Variants in NRXN1 observed in about 807,000 individuals in gnomAD.
NRXN1 encodes neurexin-1.
NRXN1 carries 39 observed loss-of-function variants against 150.9 expected under a neutral mutation model. That is an observed-to-expected ratio of 0.26 (90% CI 0.20 to 0.34). The LOEUF (loss-of-function observed/expected upper bound fraction) is 0.34. NRXN1 is among the 10% of genes least tolerant of loss of function. The pLI is 1.00. For missense variants in NRXN1, 1,815 were observed against 1,949.9 expected (o/e 0.93, Z 1.30); for synonymous variants, 924 against 757.0 (o/e 1.22, Z -3.62).
chr2:50,050,202 G>A (rs991050988), intron 21 of NRXN1, among the ~76,000 whole-genome samples: 1 of 147,510 alleles, frequency 6.8e-6, no homozygotes, highest in East Asian at 2.0e-4. Flanking sequence ...ACTTTAAGTA[G>A]GAATATAAAC....
chr2:50,641,576 A>T (rs1032704094), intron 5 of NRXN1, among the ~76,000 whole-genome samples: 2 of 151,926 alleles, frequency 1.3e-5, no homozygotes, highest in Non-Finnish European at 2.9e-5. Context: ...TACAAAATGG[A>T]AAGTTTTATT....
At chr2:50,470,953 T>C (rs1479326139) in intron 16 of NRXN1, among the ~76,000 whole-genome samples, 1 of 151,828 alleles carries the variant, frequency 6.6e-6, no homozygotes, top group Non-Finnish European at 1.5e-5. Context: ...TACAAGAAAC[T>C]TGTTTTTGCT....
At chr2:50,048,863 G>A (rs962689421) in intron 21 of NRXN1, among the ~76,000 whole-genome samples, 5 of 152,054 alleles carry the variant, frequency 3.3e-5, no homozygotes, top group Non-Finnish European at 7.4e-5. Context: ...CATATTTACT[G>A]ATTCTGTCTC....
intron 19 of NRXN1, among the ~76,000 whole-genome samples, chr2:50,089,182 C>G (rs1249529404): frequency 6.6e-6 from 1 of 152,280 alleles, no homozygotes; most frequent in East Asian, 1.9e-4. Context: ...TTGGAAATTG[C>G]TGATTAAGTG....
intron 5 of NRXN1, among the ~76,000 whole-genome samples, chr2:50,696,595 G>T (rs17501068): frequency 0.084 from 12,807 of 152,136 alleles, 702 homozygotes; most frequent in Non-Finnish European, 0.12. Flanking sequence ...TTTCTTTGTG[G>T]TTCTGAGCAA....
chr2:50,336,635 T>C (rs962230418), intron 17 of NRXN1, among the ~76,000 whole-genome samples: 2 of 152,226 alleles, frequency 1.3e-5, no homozygotes, highest in African/African-American at 4.8e-5. Flanking sequence ...GCTTGCAAAT[T>C]AGTCTATTAT....
intron 2 of NRXN1, among the ~76,000 whole-genome samples, chr2:51,011,624 A>G (rs888714444): frequency 1.3e-5 from 2 of 152,054 alleles, no homozygotes; most frequent in African/African-American, 4.8e-5. Flanking sequence ...AAGACATGTG[A>G]ACACAATTAT....
At position 50,354,539 on chromosome 2, in the gene NRXN1, C is replaced by T. The variant is rs1234085032; in HGVS notation, c.3364+110903G>A. On this transcript the variant is annotated intron_variant, in intron 17 of 22. Coordinates refer to ENST00000401669, the MANE Select transcript of NRXN1 (RefSeq NM_001330078.2). Reference sequence around the variant, plus strand: ...TGTATCTATATATACACTACCTTAGCGTCTAGAGTGCATACATATATATAT... The same window carrying T: ...TGTATCTATATATACACTACCTTAGTGTCTAGAGTGCATACATATATATAT... 2.9e-5 allele frequency among the ~76,000 whole-genome samples: 3 copies of T among 105,176 alleles called. 1 individual carries two copies. Among genetic ancestry groups the T allele is most frequent in the Non-Finnish European group, 3.7e-5 (2 of 53,926 alleles). The allele number at this position is 105,176 out of a possible 152,430, so 69.0% of individuals were successfully genotyped here.
At chr2:50,301,612 C>T (rs1306186588) in intron 17 of NRXN1, among the ~76,000 whole-genome samples, 1 of 152,110 alleles carries the variant, frequency 6.6e-6, no homozygotes, top group Non-Finnish European at 1.5e-5. Flanking sequence ...AAGCAATGTC[C>T]TGTAGGGTAC....
intron 5 of NRXN1, among the ~76,000 whole-genome samples, chr2:50,707,031 TG>T (rs1694537770): frequency 6.6e-6 from 1 of 152,192 alleles, no homozygotes. Flanking sequence ...CTGTAATTTT[TG>T]TTGGGTATAT....
intron 8 of NRXN1, among the ~76,000 whole-genome samples, chr2:50,577,563 A>T (rs1175233329): frequency 1.3e-5 from 2 of 152,096 alleles, no homozygotes; most frequent in African/African-American, 2.4e-5. Context: ...TACTTTTTCA[A>T]CCTGCGGCCA....
chr2:50,695,142 C>T (rs1372803283), intron 5 of NRXN1, among the ~76,000 whole-genome samples: 4 of 144,040 alleles, frequency 2.8e-5, no homozygotes, highest in Non-Finnish European at 5.9e-5. Flanking sequence ...AGTAGGGAGA[C>T]TATTTACCAA....
intron 17 of NRXN1, among the ~76,000 whole-genome samples, chr2:50,278,302 T>C (rs1220322466): frequency 7.9e-6 from 1 of 126,626 alleles, no homozygotes; most frequent in Admixed American, 9.2e-5. Context: ...ATATAATATA[T>C]ATTTTATATA....
At chr2:50,288,239 C>A (rs963241079) in intron 17 of NRXN1, among the ~76,000 whole-genome samples, 1 of 151,940 alleles carries the variant, frequency 6.6e-6, no homozygotes, top group Non-Finnish European at 1.5e-5. Flanking sequence ...GATTTTACTT[C>A]CAGGGACATT....
chr2:49,955,318 C>G (rs1476112758), intron 21 of NRXN1, among the ~76,000 whole-genome samples: 2 of 152,014 alleles, frequency 1.3e-5, no homozygotes. Flanking sequence ...AACACTTTTT[C>G]AAAGATTTTA....
In NRXN1 at chr2:50,394,231, C is replaced by A. The variant is rs983258020; in HGVS notation, c.3364+71211G>T. ...CTATCTATATGTGATGATGCTTATG[C>A]TTGCATCTCCAGCCACAACTCTCCC... On this transcript the variant is annotated intron_variant, in intron 17 of 22. Transcript: ENST00000401669. 3.2e-4 allele frequency among the ~76,000 whole-genome samples: 49 copies of A among 152,130 alleles called. 1 individual carries two copies. Among genetic ancestry groups the A allele is most frequent in the Admixed American group, 2.9e-3 (45 of 15,264 alleles).
chr2:50,142,990 A>G (rs537774195), intron 18 of NRXN1, among the ~76,000 whole-genome samples: 1 of 152,054 alleles, frequency 6.6e-6, no homozygotes, highest in Non-Finnish European at 1.5e-5. Flanking sequence ...AAAACTAAGA[A>G]AAAATAATAT....
rs765163297 is a variant in NRXN1, at chr2:51,027,830, C to T, written c.444G>A (p.Thr148=). Reference sequence around the variant, plus strand: ...CCCCGACGAAAAGGCCGCTGAACACCGTCATGTCCCTGCGCTTGGACTTGA... The same window carrying T: ...CCCCGACGAAAAGGCCGCTGAACACTGTCATGTCCCTGCGCTTGGACTTGA... ...VEVKSKRRDM[T]VFSGLFVGGL... Residue 148 remains threonine (T), a synonymous_variant, in exon 2 of 23, where the codon ACG becomes ACA. Transcript: ENST00000401669. 15 of 1,613,414 alleles carry T rather than the reference C, an allele frequency of 9.3e-6. No homozygotes were observed. The highest frequency in any genetic ancestry group is 1.3e-5 in the African/African-American group (1 of 75,052).
intron 17 of NRXN1, among the ~76,000 whole-genome samples, chr2:50,354,877 A>G (rs2078685089): frequency 6.6e-6 from 1 of 151,992 alleles, no homozygotes; most frequent in Non-Finnish European, 1.5e-5. Context: ...ATTCCAAGAC[A>G]CTGTCTGTCA....
Sources: gnomAD v4.1 joint callset for allele counts (sites outside exome capture counted in the v4.1 genomes callset) on GRCh38, gnomAD v4.1.1 for gene constraint, MANE v1.5 for transcripts, NCBI Gene and HGNC (gene_info 2026-07-23, HGNC 2026-07-21) for gene names.